Variants in SGCZ observed in about 807,000 individuals in gnomAD.
SGCZ encodes the protein zeta-sarcoglycan.
In SGCZ, 40 loss-of-function variants were observed where a neutral mutation model predicts 41.3. That is an observed-to-expected ratio of 0.97 (90% CI 0.75 to 1.26). The LOEUF (loss-of-function observed/expected upper bound fraction) is 1.26. Among genes scored for constraint, SGCZ ranks in the 50% most tolerant of loss-of-function variants. The pLI is 0.00. For synonymous variants in SGCZ, 206 were observed against 137.5 expected (o/e 1.50, Z -3.49); for missense variants, 552 against 369.8 (o/e 1.49, Z -4.04).
chr8:15,009,766 C>G (rs893679134), intron 1 of SGCZ, among the ~76,000 whole-genome samples: 2 of 152,100 alleles, frequency 1.3e-5, no homozygotes, highest in Non-Finnish European at 1.5e-5. Flanking sequence ...GCTTGTTTAG[C>G]AAACGCAAAA....
chr8:14,475,861 G>A (rs1037414376), intron 2 of SGCZ, among the ~76,000 whole-genome samples: 1 of 151,940 alleles, frequency 6.6e-6, no homozygotes, highest in Non-Finnish European at 1.5e-5. Flanking sequence ...CTTAAGACAG[G>A]GTCTGTCTGT....
rs142062238 is a variant in SGCZ at position 14,244,511 on chromosome 8, T to A, written c.337-6832A>T. On this transcript the variant is annotated intron_variant, in intron 3 of 7. Coordinates refer to ENST00000382080, the MANE Select transcript of SGCZ (RefSeq NM_139167.4). ...GTTACTGTAGCCTTGTAGTACAGTTTGAAGTCAGGTAGCATGATGCCTCCA... is the reference window on the plus strand; with the variant it reads ...GTTACTGTAGCCTTGTAGTACAGTTAGAAGTCAGGTAGCATGATGCCTCCA... Among the ~76,000 whole-genome samples the A allele has an allele frequency of 9.2e-5, 14 of 152,290 alleles. No individual in the cohort carries two copies. In the East Asian group the frequency reaches 2.3e-3, roughly 25 times the overall value.
At chr8:15,025,736 C>T (rs748014190) in intron 1 of SGCZ, among the ~76,000 whole-genome samples, 1 of 152,106 alleles carries the variant, frequency 6.6e-6, no homozygotes, top group African/African-American at 2.4e-5. Context: ...AGAGCAATTT[C>T]TGACATATGA....
chr8:14,378,322 T>A (rs1804218082), intron 2 of SGCZ, among the ~76,000 whole-genome samples: 1 of 152,154 alleles, frequency 6.6e-6, no homozygotes, highest in Admixed American at 6.5e-5. Flanking sequence ...GCTGCATAAA[T>A]GTCTTCTTAG....
At chr8:14,880,909 C>G (rs1022542574) in intron 1 of SGCZ, among the ~76,000 whole-genome samples, 1 of 151,648 alleles carries the variant, frequency 6.6e-6, no homozygotes, top group Non-Finnish European at 1.5e-5. Context: ...ACATATGTAA[C>G]AAACCTGCAT....
chr8:14,165,119 G>A (rs573704401), intron 4 of SGCZ: 1 of 157,180 alleles, frequency 6.4e-6, no homozygotes, highest in African/African-American at 2.4e-5. Context: ...TAGTACCCAT[G>A]CTTGCTACAT....
At chr8:14,526,380 G>C (rs1585632762) in intron 2 of SGCZ, among the ~76,000 whole-genome samples, 1 of 152,088 alleles carries the variant, frequency 6.6e-6, no homozygotes, top group Non-Finnish European at 1.5e-5. Context: ...CCGTCCCAAA[G>C]ATTAGAATAT....
rs1043762017 is a variant in SGCZ, at chr8:14,870,349, T to C, written c.40-315423A>G. 7.2e-5 allele frequency among the ~76,000 whole-genome samples: 11 copies of C among 152,072 alleles called. No homozygotes were observed. In the East Asian group the frequency reaches 1.9e-3, roughly 27 times the overall value. Reference sequence around the variant, plus strand: ...CTACTACAACAATCTGAATTCCCAGTTTAATAAATGTGGTTGGGAAAACTG... The same window carrying C: ...CTACTACAACAATCTGAATTCCCAGCTTAATAAATGTGGTTGGGAAAACTG... On this transcript the variant is annotated intron_variant, in intron 1 of 7. Transcript: ENST00000382080.
intron 1 of SGCZ, among the ~76,000 whole-genome samples, chr8:14,637,812 TTA>T (rs1395087334): frequency 2.0e-5 from 3 of 151,954 alleles, no homozygotes; most frequent in African/African-American, 7.2e-5. Context: ...GTGGAACAAT[TTA>T]TGTTTCTTTG....
At chr8:14,314,289 T>TC (rs1801645378) in intron 3 of SGCZ, among the ~76,000 whole-genome samples, 1 of 151,836 alleles carries the variant, frequency 6.6e-6, no homozygotes, top group Admixed American at 6.6e-5. Context: ...TAGTATTATT[T>TC]TTTTTCCCCA....
chr8:15,139,415 A>G (rs1372711724), intron 1 of SGCZ, among the ~76,000 whole-genome samples: 1 of 152,204 alleles, frequency 6.6e-6, no homozygotes, highest in South Asian at 2.1e-4. Flanking sequence ...AAAGTGTCCT[A>G]AAGATGTTAC....
intron 1 of SGCZ, among the ~76,000 whole-genome samples, chr8:14,601,733 T>G (rs1001910176): frequency 6.6e-6 from 1 of 152,232 alleles, no homozygotes; most frequent in African/African-American, 2.4e-5. Context: ...ATTTCAGTGC[T>G]GCATTAGTGA....
intron 1 of SGCZ, among the ~76,000 whole-genome samples, chr8:15,102,472 C>T (rs1806650639): frequency 6.6e-6 from 1 of 151,898 alleles, no homozygotes; most frequent in South Asian, 2.1e-4. Flanking sequence ...TTGTCAAAAC[C>T]CATTGAATGT....
chr8:14,567,813 C>T (rs981264377), intron 1 of SGCZ, among the ~76,000 whole-genome samples: 1 of 152,142 alleles, frequency 6.6e-6, no homozygotes, highest in Non-Finnish European at 1.5e-5. Context: ...AGACGCACCA[C>T]CTTAAGAGCT....
At chr8:15,073,033 G>T (rs1805410423) in intron 1 of SGCZ, among the ~76,000 whole-genome samples, 1 of 152,100 alleles carries the variant, frequency 6.6e-6, no homozygotes, top group African/African-American at 2.4e-5. Flanking sequence ...CAGAAGACTT[G>T]TTTTAAGGGC....
chr8:14,848,420 A>G (rs1019080527), intron 1 of SGCZ, among the ~76,000 whole-genome samples: 1 of 152,212 alleles, frequency 6.6e-6, no homozygotes, highest in Non-Finnish European at 1.5e-5. Context: ...AGAGGAACCA[A>G]ATAGGAGGAT....
chr8:15,105,920 CT>C (rs35640919), intron 1 of SGCZ, among the ~76,000 whole-genome samples: 11,151 of 152,156 alleles, frequency 0.073, 563 homozygotes, highest in East Asian at 0.25. Flanking sequence ...AATTCTTCCC[CT>C]GGCAATTATT....
intron 3 of SGCZ, among the ~76,000 whole-genome samples, chr8:14,285,216 T>C (rs1267051987): frequency 1.3e-5 from 2 of 152,252 alleles, no homozygotes; most frequent in Middle Eastern, 3.4e-3. Flanking sequence ...AAAATATATG[T>C]GTCATTTCAT....
At chr8:14,595,703 T>A (rs1287510860) in intron 1 of SGCZ, among the ~76,000 whole-genome samples, 1 of 152,202 alleles carries the variant, frequency 6.6e-6, no homozygotes, top group African/African-American at 2.4e-5. Flanking sequence ...CTCTGCCCTG[T>A]CCTTGGTAGA....
Sources: gnomAD v4.1 joint callset for allele counts (sites outside exome capture counted in the v4.1 genomes callset) on GRCh38, gnomAD v4.1.1 for gene constraint, MANE v1.5 for transcripts, NCBI Gene and HGNC (gene_info 2026-07-23, HGNC 2026-07-21) for gene names.